The following FLVCR1 variants were observed in gnomAD, a reference collection of about 807,000 sequenced individuals.
FLVCR1 encodes FLVCR choline and heme transporter 1.
In FLVCR1, 34 loss-of-function variants were observed where a neutral mutation model predicts 53.6. The ratio of observed to expected loss-of-function variants is 0.63; its 90% CI spans 0.48 to 0.84. The LOEUF is 0.84. FLVCR1 is among the 40% of genes least tolerant of loss of function. The pLI, the probability that FLVCR1 is intolerant of heterozygous loss-of-function variation, is 0.00. For missense variants in FLVCR1, 677 were observed against 696.7 expected (o/e 0.97, Z 0.32); for synonymous variants, 300 against 286.3 (o/e 1.05, Z -0.48).
chr1:212,886,418 G>A (rs1433722969), intron 5 of FLVCR1, among the ~76,000 whole-genome samples: 1 of 152,102 alleles, frequency 6.6e-6, no homozygotes, highest in Non-Finnish European at 1.5e-5. Flanking sequence ...AAAAATTATT[G>A]TTGAGCATAA....
At chr1:212,859,218 C>T in intron 1 of FLVCR1, 28 bp downstream of exon 1, 1 of 1,613,830 alleles carries the variant, frequency 6.2e-7, no homozygotes, top group African/African-American at 1.3e-5. Flanking sequence ...AGGTGAAAGT[C>T]AGATCCTTAA....
intron 3 of FLVCR1, among the ~76,000 whole-genome samples, chr1:212,873,414 A>G (rs1469261493): frequency 8.5e-5 from 13 of 152,202 alleles, no homozygotes; most frequent in Admixed American, 8.5e-4. Context: ...TGTGAACTAT[A>G]GTTATCCTGA....
chr1:212,878,202 A>T (rs1331099191), intron 3 of FLVCR1, among the ~76,000 whole-genome samples: 2 of 152,142 alleles, frequency 1.3e-5, no homozygotes, highest in African/African-American at 4.8e-5. Context: ...TCACCCATCT[A>T]TTAAAATAAT....
At chr1:212,871,819 A>G (rs1192845437) in intron 2 of FLVCR1, among the ~76,000 whole-genome samples, 2 of 152,174 alleles carry the variant, frequency 1.3e-5, no homozygotes, top group African/African-American at 4.8e-5. Flanking sequence ...GGTGGCTGTG[A>G]AATTTCTAAC....
Position 212,863,783 on chromosome 1 carries a change from A to G in FLVCR1, c.797A>G (p.Asp266Gly), listed in dbSNP as rs1664321917. 1 of 1,613,832 alleles carries G rather than the reference A, an allele frequency of 6.2e-7. No homozygotes were observed. Among genetic ancestry groups the G allele is most frequent in the Non-Finnish European group, 8.5e-7 (1 of 1,179,838 alleles). The stretch of plus-strand genomic sequence containing the variant: ...GTTTTAGTACCCAACACACAGAATG[A>G]CACAAATCTCCTGGCTTGTAATATC... ...PPVLVPNTQN[D>G]TNLLACNIST... Residue 266 changes from aspartate to glycine, a missense_variant, in exon 2 of 10, where the codon GAC becomes GGC. Coordinates refer to ENST00000366971, the MANE Select transcript of FLVCR1 (RefSeq NM_014053.4).
chr1:212,884,692 G>A (rs1367242413), intron 4 of FLVCR1, among the ~76,000 whole-genome samples: 1 of 152,212 alleles, frequency 6.6e-6, no homozygotes, highest in East Asian at 1.9e-4. Flanking sequence ...TACCTTCTGA[G>A]AAATTCGCTA....
chr1:212,862,426 G>A (rs547856642), intron 1 of FLVCR1, among the ~76,000 whole-genome samples: 1 of 151,962 alleles, frequency 6.6e-6, no homozygotes, highest in Non-Finnish European at 1.5e-5. Context: ...GAATCATACA[G>A]TAGGTGACCT....
intron 5 of FLVCR1, among the ~76,000 whole-genome samples, chr1:212,887,041 CTG>C (rs1665082440): frequency 6.6e-6 from 1 of 152,122 alleles, no homozygotes; most frequent in African/African-American, 2.4e-5. Context: ...AAATATGGAA[CTG>C]TGTCCCGTGT....
chr1:212,879,014 A>AT (rs34430879), intron 3 of FLVCR1, among the ~76,000 whole-genome samples: 186 of 151,798 alleles, frequency 1.2e-3, no homozygotes, highest in Middle Eastern at 3.4e-3. Context: ...TAAATAATTT[A>AT]TTTTTTCTCC....
intron 5 of FLVCR1, among the ~76,000 whole-genome samples, chr1:212,885,969 C>T (rs1012948346): frequency 2.6e-5 from 4 of 151,318 alleles, no homozygotes; most frequent in Admixed American, 6.6e-5. Context: ...CTACCACTTC[C>T]GAAGGAATTA....
At chr1:212,893,065 T>TTA (rs376805847) in intron 8 of FLVCR1, among the ~76,000 whole-genome samples, 2 of 142,308 alleles carry the variant, frequency 1.4e-5, no homozygotes, top group Non-Finnish European at 1.5e-5. Flanking sequence ...TCTTTTTTTT[T>TTA]GGGGGGGGGT....
chr1:212,892,426 T>C (rs1014156818), intron 8 of FLVCR1, among the ~76,000 whole-genome samples: 3 of 152,210 alleles, frequency 2.0e-5, no homozygotes, highest in Non-Finnish European at 4.4e-5. Context: ...GGCCAAATTT[T>C]CTCTGCCTAA....
chr1:212,888,385 C>A, intron 6 of FLVCR1, 104 bp from the exon 7 acceptor site: 1 of 812,682 alleles, frequency 1.2e-6, no homozygotes, highest in Non-Finnish European at 2.2e-6. Flanking sequence ...AAAATATTCA[C>A]TTATTTGGTC....
intron 3 of FLVCR1, among the ~76,000 whole-genome samples, chr1:212,879,040 A>G (rs1440543221): frequency 6.6e-6 from 1 of 152,184 alleles, no homozygotes; most frequent in African/African-American, 2.4e-5. Flanking sequence ...CCTCTCCCCT[A>G]AATAATTTAA....
chr1:212,888,627 T>A, intron 7 of FLVCR1, 33 bp downstream of exon 7: 1 of 1,319,110 alleles, frequency 7.6e-7, no homozygotes, highest in Middle Eastern at 1.8e-4. Flanking sequence ...CCTGAGATGA[T>A]TATTATACCA....
At chr1:212,863,638 A>T in intron 1 of FLVCR1, 87 bp from the exon 2 acceptor site, 1 of 1,170,776 alleles carries the variant, frequency 8.5e-7, no homozygotes, top group Non-Finnish European at 1.3e-6. Flanking sequence ...TATAAACACT[A>T]GCTGTCCTCT....
At chr1:212,873,482 C>T (rs1427589252) in intron 3 of FLVCR1, among the ~76,000 whole-genome samples, 3 of 152,170 alleles carry the variant, frequency 2.0e-5, no homozygotes, top group African/African-American at 7.2e-5. Context: ...TGCAAGCTGG[C>T]ATCTGTTTTG....
At position 212,885,403 on chromosome 1, in the gene FLVCR1, GAAAGT is replaced by G. The variant is rs1665034236; in HGVS notation, c.1196+11_1196+15del. 6.3e-7 allele frequency: 1 copy of G among 1,586,016 alleles called. No individual in the cohort carries two copies. The highest frequency in any genetic ancestry group is 1.7e-5 in the Admixed American group (1 of 59,988). ...ATTATACTAAAACATACAAGTAAGT[GAAAGT>G]AAATACATGTATGGTGTATAACCAA... On this transcript the variant is annotated splice_region_variant and intron_variant, in intron 5 of 9. Transcript: ENST00000366971.
chr1:212,868,517 C>T (rs1664509070), intron 2 of FLVCR1, among the ~76,000 whole-genome samples: 1 of 152,218 alleles, frequency 6.6e-6, no homozygotes, highest in South Asian at 2.1e-4. Flanking sequence ...GGATTCAAGC[C>T]ATTCTGCTCA....
Sources: gnomAD v4.1 joint callset for allele counts (sites outside exome capture counted in the v4.1 genomes callset) on GRCh38, gnomAD v4.1.1 for gene constraint, MANE v1.5 for transcripts, NCBI Gene and HGNC (gene_info 2026-07-23, HGNC 2026-07-21) for gene names.